SV2C: variants seen among roughly 807,000 people sequenced by gnomAD.
The protein encoded by SV2C is synaptic vesicle glycoprotein 2C, also known as solute carrier family 22 member B3.
SV2C carries 49 observed loss-of-function variants against 79.7 expected under a neutral mutation model. That is an observed-to-expected ratio of 0.61 (90% CI 0.49 to 0.78). The LOEUF is 0.78. SV2C is among the 30% of genes least tolerant of loss of function. The pLI, the probability that SV2C is intolerant of heterozygous loss-of-function variation, is 0.00. For missense variants in SV2C, 833 were observed against 912.9 expected (o/e 0.91, Z 1.13); for synonymous variants, 334 against 333.2 (o/e 1.00, Z -0.03).
At chr5:75,866,307 T>C in the SV2C span, among the ~76,000 whole-genome samples, 1 of 152,166 alleles carries the variant, frequency 6.6e-6, no homozygotes, top group Admixed American at 6.5e-5. Flanking sequence ...AAAAATTAAC[T>C]GTTATGCAAT....
At chr5:76,229,842 G>T (rs560365875) in intron 4 of SV2C, among the ~76,000 whole-genome samples, 84 of 152,324 alleles carry the variant, frequency 5.5e-4, no homozygotes, top group African/African-American at 1.9e-3. Flanking sequence ...CTAAAATTCT[G>T]AAGTACATGA....
chr5:76,347,516 C>T (rs1257290917), intron 12 of SV2C, among the ~76,000 whole-genome samples: 1 of 152,178 alleles, frequency 6.6e-6, no homozygotes, highest in Non-Finnish European at 1.5e-5. Context: ...GCAGTCTCCT[C>T]TCACTGCAAC....
chr5:76,291,198 C>G, intron 6 of SV2C, 23 bp from the exon 7 acceptor site: 1 of 1,575,978 alleles, frequency 6.3e-7, no homozygotes, highest in African/African-American at 1.4e-5. Context: ...TAACTTAGCG[C>G]TTTGGTCTGT....
intron 1 of SV2C, among the ~76,000 whole-genome samples, chr5:76,115,072 C>T (rs1474933907): frequency 6.6e-6 from 1 of 152,130 alleles, no homozygotes; most frequent in Non-Finnish European, 1.5e-5. Context: ...TAAACAAACT[C>T]ACCGTTTATG....
At chr5:76,107,785 C>T (rs541506735) in intron 1 of SV2C, among the ~76,000 whole-genome samples, 15 of 151,938 alleles carry the variant, frequency 9.9e-5, no homozygotes, top group African/African-American at 2.4e-4. Flanking sequence ...ACCCATGAGT[C>T]GAGGTTGCAG....
At chr5:75,961,335 T>C in the SV2C span, among the ~76,000 whole-genome samples, 1 of 152,050 alleles carries the variant, frequency 6.6e-6, no homozygotes, top group Admixed American at 6.6e-5. Context: ...ATTAAATTTA[T>C]TTTTCTTGCC....
chr5:76,244,604 A>G (rs891917926), intron 4 of SV2C, among the ~76,000 whole-genome samples: 9 of 152,232 alleles, frequency 5.9e-5, no homozygotes, highest in African/African-American at 2.2e-4. Context: ...TAAATCTGGT[A>G]TGTAGTTTAC....
At chr5:75,964,629 A>C in the SV2C span, among the ~76,000 whole-genome samples, 56,322 of 151,984 alleles carry the variant, frequency 0.37, 11,364 homozygotes, top group African/African-American at 0.49. Context: ...CCTCCATCAA[A>C]GCTTCCACAA....
chr5:76,105,878 G>GAA (rs1446517268), intron 1 of SV2C, among the ~76,000 whole-genome samples: 4 of 151,836 alleles, frequency 2.6e-5, no homozygotes, highest in African/African-American at 9.7e-5. Flanking sequence ...TGTGATCCGG[G>GAA]GAGCAATCTT....
intron 4 of SV2C, among the ~76,000 whole-genome samples, chr5:76,230,721 A>C (rs1745388978): frequency 6.6e-6 from 1 of 152,046 alleles, no homozygotes; most frequent in Non-Finnish European, 1.5e-5. Flanking sequence ...CCCAGGAAGC[A>C]GAGGTTGCAG....
chr5:76,178,501 A>C (rs1743612917), intron 2 of SV2C, among the ~76,000 whole-genome samples: 1 of 152,230 alleles, frequency 6.6e-6, no homozygotes, highest in South Asian at 2.1e-4. Flanking sequence ...AATGAGCAAG[A>C]TTGACAGAGG....
At chr5:75,864,636 C>T in the SV2C span, among the ~76,000 whole-genome samples, 1 of 152,192 alleles carries the variant, frequency 6.6e-6, no homozygotes. Context: ...ACATCCATGA[C>T]CCTACTGAGA....
At chr5:75,880,571 G>T in the SV2C span, among the ~76,000 whole-genome samples, 1 of 152,170 alleles carries the variant, frequency 6.6e-6, no homozygotes, top group African/African-American at 2.4e-5. Flanking sequence ...CTTTGCTCCA[G>T]TTCCCAATAA....
chr5:76,168,141 T>C (rs1016483287), intron 2 of SV2C, among the ~76,000 whole-genome samples: 2 of 151,982 alleles, frequency 1.3e-5, no homozygotes, highest in African/African-American at 4.8e-5. Flanking sequence ...CTCTTCTAGA[T>C]AGAGTCAAGG....
chr5:75,855,800 T>G, the SV2C span, among the ~76,000 whole-genome samples: 271 of 152,314 alleles, frequency 1.8e-3, 2 homozygotes, highest in African/African-American at 5.9e-3. Flanking sequence ...GAATTACAAA[T>G]GATCCAGTTA....
At chr5:75,898,609 T>C in the SV2C span, among the ~76,000 whole-genome samples, 2 of 152,198 alleles carry the variant, frequency 1.3e-5, no homozygotes, top group Non-Finnish European at 2.9e-5. Flanking sequence ...GATTCCCTCT[T>C]TTTTTATTGA....
intron 2 of SV2C, among the ~76,000 whole-genome samples, chr5:76,181,315 A>G (rs542444743): frequency 6.6e-4 from 101 of 152,332 alleles, no homozygotes; most frequent in African/African-American, 2.3e-3. Flanking sequence ...TAGAGTCCGT[A>G]TGGCCCACAG....
At chr5:76,221,599 T>A (rs1745067129) in intron 4 of SV2C, among the ~76,000 whole-genome samples, 1 of 152,184 alleles carries the variant, frequency 6.6e-6, no homozygotes, top group African/African-American at 2.4e-5. Flanking sequence ...TCTGGGCCCA[T>A]TTGAAGGTAG....
intron 4 of SV2C, among the ~76,000 whole-genome samples, chr5:76,246,504 T>C (rs184539430): frequency 6.6e-6 from 1 of 152,314 alleles, no homozygotes; most frequent in Non-Finnish European, 1.5e-5. Flanking sequence ...TCAGTAGCTG[T>C]GGACCATTAA....
Sources: gnomAD v4.1 joint callset for allele counts (sites outside exome capture counted in the v4.1 genomes callset) on GRCh38, gnomAD v4.1.1 for gene constraint, MANE v1.5 for transcripts, NCBI Gene and HGNC (gene_info 2026-07-23, HGNC 2026-07-21) for gene names.